The following LTBP1 variants were observed in gnomAD, a reference collection of about 807,000 sequenced individuals.
LTBP1 encodes the protein latent-transforming growth factor beta-binding protein 1.
In LTBP1, 129 loss-of-function variants were observed where a neutral mutation model predicts 207.6. The observed-to-expected ratio is 0.62, with a 90% CI of 0.54 to 0.72. The LOEUF is 0.72. LTBP1 is among the 30% of genes least tolerant of loss of function. The pLI is 0.00. For synonymous variants in LTBP1, 963 were observed against 833.7 expected, an observed-to-expected ratio of 1.16 and a Z score of -2.67; for missense variants, 2,281 against 2,217.2, an observed-to-expected ratio of 1.03 and a Z score of -0.58.
At chr2:33,180,108 G>A (rs1361151378) in intron 5 of LTBP1, among the ~76,000 whole-genome samples, 1 of 152,142 alleles carries the variant, frequency 6.6e-6, no homozygotes, top group Non-Finnish European at 1.5e-5. Flanking sequence ...TCCCCCTTTA[G>A]GTTCAGCTTA....
intron 12 of LTBP1, among the ~76,000 whole-genome samples, chr2:33,259,124 A>G (rs1292875202): frequency 2.0e-5 from 3 of 152,222 alleles, no homozygotes; most frequent in Non-Finnish European, 2.9e-5. Context: ...AATGCAGCAC[A>G]TGCTGTCATG....
chr2:33,163,409 T>A (rs139981605), intron 5 of LTBP1, among the ~76,000 whole-genome samples: 32 of 152,326 alleles, frequency 2.1e-4, no homozygotes, highest in African/African-American at 7.0e-4. Context: ...AATTGGAGAC[T>A]GTGACTAAGG....
intron 2 of LTBP1, among the ~76,000 whole-genome samples, chr2:32,979,438 A>C (rs935114616): frequency 6.6e-6 from 1 of 152,018 alleles, no homozygotes; most frequent in Admixed American, 6.5e-5. Context: ...TTCTTAACTT[A>C]TTCATTGGCC....
At chr2:33,056,589 G>A (rs1476031421) in intron 3 of LTBP1, 3 of 365,550 alleles carry the variant, frequency 8.2e-6, no homozygotes, top group Admixed American at 4.7e-5. Context: ...GACCCTCGCA[G>A]TGAGTGTTAT....
At chr2:33,375,290 G>T (rs2095123344) in intron 31 of LTBP1, among the ~76,000 whole-genome samples, 2 of 152,186 alleles carry the variant, frequency 1.3e-5, no homozygotes, top group African/African-American at 4.8e-5. Flanking sequence ...TAGGAAATGA[G>T]TCAACGTTCA....
At chr2:33,060,131 C>T (rs1399136827) in intron 3 of LTBP1, among the ~76,000 whole-genome samples, 1 of 152,164 alleles carries the variant, frequency 6.6e-6, no homozygotes, top group Non-Finnish European at 1.5e-5. Context: ...TTCACTCCCA[C>T]ATATTTTACC....
chr2:33,341,729 A>AAAAAAATATATATATATAT (rs745445793), intron 24 of LTBP1, among the ~76,000 whole-genome samples: 1 of 93,632 alleles, frequency 1.1e-5, no homozygotes, highest in East Asian at 3.3e-4. Flanking sequence ...AAAAAAAAAA[A>AAAAAAATATATATATATAT]ATATATATAT....
chr2:33,124,000 A>G (rs1027582900), intron 4 of LTBP1, among the ~76,000 whole-genome samples: 3 of 152,230 alleles, frequency 2.0e-5, no homozygotes, highest in East Asian at 1.9e-4. Flanking sequence ...ATTTGACTAT[A>G]TTTTAGATAT....
Position 32,947,688 on chromosome 2 carries a change from C to T in LTBP1, c.364C>T (p.Pro122Ser). The T allele has an allele frequency of 6.6e-7, 1 of 1,504,434 alleles. No individual in the cohort carries two copies. The highest frequency in any genetic ancestry group is 8.9e-7 in the Non-Finnish European group (1 of 1,125,998). The allele number at this position is 1,504,434 out of a possible 1,614,324, so 93.2% of individuals were successfully genotyped here. ...AVPGGQLHPN[P>S]GGHPAAAPFT... ...CCCCGGCGGGCAGCTCCACCCCAAT[C>T]CCGGCGGCCACCCGGCAGCCGCCCC... is the stretch of plus-strand genomic sequence containing the variant. Residue 122 changes from proline (P) to serine (S), a missense_variant, in exon 1 of 34, where the codon CCC (proline) becomes TCC (serine). This residue lies in a region of LTBP1 where 555 missense variants were observed against 491.0 expected (regional missense o/e 1.13). Transcript: ENST00000404816.
At chr2:33,347,728 A>T (rs73925698) in intron 26 of LTBP1, among the ~76,000 whole-genome samples, 276 of 152,310 alleles carry the variant, frequency 1.8e-3, no homozygotes, top group African/African-American at 5.9e-3. Flanking sequence ...CTAATGTTCT[A>T]TCCAAACCAG....
At chr2:32,955,522 A>G (rs1023143133) in intron 2 of LTBP1, among the ~76,000 whole-genome samples, 3 of 151,576 alleles carry the variant, frequency 2.0e-5, no homozygotes, top group Non-Finnish European at 2.9e-5. Context: ...ATATACATGT[A>G]TATTTTTGCG....
At chr2:33,243,924 G>A in intron 10 of LTBP1, 140 bp downstream of exon 10, 1 of 900,920 alleles carries the variant, frequency 1.1e-6, no homozygotes. Flanking sequence ...CAAGCAAGGG[G>A]CCTGCCTGAT....
chr2:33,385,951 G>A (rs569935783), intron 31 of LTBP1, among the ~76,000 whole-genome samples: 76 of 152,194 alleles, frequency 5.0e-4, no homozygotes, highest in Middle Eastern at 3.4e-3. Flanking sequence ...AGGGCAACAC[G>A]CTCTAGCATT....
At chr2:33,110,344 C>T (rs2080326916) in intron 3 of LTBP1, among the ~76,000 whole-genome samples, 1 of 152,172 alleles carries the variant, frequency 6.6e-6, no homozygotes, top group African/African-American at 2.4e-5. Flanking sequence ...TATTTATCAT[C>T]ACGCTTCTTA....
chr2:32,948,954 C>T lies in LTBP1; in HGVS notation c.565+9C>T. The T allele has an allele frequency of 6.2e-7, 1 of 1,613,958 alleles. No homozygotes were observed. Among genetic ancestry groups the T allele is most frequent in the East Asian group, 2.2e-5 (1 of 44,878 alleles). ...CCAGAGGTGCACCAAACGTAAGTTG[C>T]CATGTTCACAGTGGCCCTGCACAGT... is the stretch of plus-strand genomic sequence containing the variant. On this transcript the variant is annotated intron_variant, in intron 2 of 33. Coordinates refer to ENST00000404816, the MANE Select transcript of LTBP1 (RefSeq NM_206943.4).
At chr2:33,270,767 C>G (rs898707490) in intron 15 of LTBP1, among the ~76,000 whole-genome samples, 9 of 152,060 alleles carry the variant, frequency 5.9e-5, no homozygotes, top group African/African-American at 2.2e-4. Flanking sequence ...TCTTAGTACC[C>G]TCTAGTGGTG....
chr2:33,338,697 C>T (rs530750791), intron 24 of LTBP1, among the ~76,000 whole-genome samples: 2 of 152,220 alleles, frequency 1.3e-5, no homozygotes, highest in East Asian at 3.9e-4. Context: ...TAAGTAAGTC[C>T]AGGGGAAAGG....
At chr2:33,367,861 A>G (rs1322805568) in intron 31 of LTBP1, among the ~76,000 whole-genome samples, 1 of 152,198 alleles carries the variant, frequency 6.6e-6, no homozygotes, top group Non-Finnish European at 1.5e-5. Context: ...GCCCAGCACA[A>G]GAGATGGCTA....
intron 24 of LTBP1, among the ~76,000 whole-genome samples, chr2:33,318,175 A>G (rs986370730): frequency 6.6e-6 from 1 of 152,188 alleles, no homozygotes; most frequent in Non-Finnish European, 1.5e-5. Context: ...AAATACTTCT[A>G]GCCCTAAGCA....
Sources: allele counts gnomAD v4.1 joint callset (sites outside exome capture counted in the v4.1 genomes callset), GRCh38; gene constraint gnomAD v4.1.1; regional missense constraint gnomAD v4.1.1; transcripts MANE v1.5; gene names NCBI Gene and HGNC (gene_info 2026-07-23, HGNC 2026-07-21).